The following GRM7 variants were observed in gnomAD, a reference collection of about 807,000 sequenced individuals.
The protein encoded by GRM7 is metabotropic glutamate receptor 7.
GRM7 carries 35 observed loss-of-function variants against 84.5 expected under a neutral mutation model. The ratio of observed to expected loss-of-function variants is 0.41; its 90% CI spans 0.32 to 0.55. The LOEUF (loss-of-function observed/expected upper bound fraction) is 0.55, where lower values mean the gene tolerates loss of function less well. Ranked by LOEUF, GRM7 falls within the 20% of genes least tolerant of loss-of-function variation. The pLI is 0.19. For missense variants in GRM7, 1,003 were observed against 1,194.6 expected (o/e 0.84, Z 2.36); for synonymous variants, 487 against 455.1 (o/e 1.07, Z -0.89).
chr3:7,677,292 A>AAAAAAAAC (rs1700173203), intron 8 of GRM7, among the ~76,000 whole-genome samples: 2 of 150,842 alleles, frequency 1.3e-5, no homozygotes, highest in African/African-American at 4.9e-5. Context: ...AAAAAAAAAA[A>AAAAAAAAC]AACTTACATA....
intron 9 of GRM7, among the ~76,000 whole-genome samples, chr3:7,684,721 AG>A: frequency 6.6e-6 from 1 of 152,344 alleles, no homozygotes; most frequent in South Asian, 2.1e-4. Context: ...ATAAACAAAA[AG>A]TAAATCTCAA....
intron 9 of GRM7, among the ~76,000 whole-genome samples, chr3:7,723,181 C>A (rs1262550921): frequency 6.6e-6 from 1 of 152,146 alleles, no homozygotes; most frequent in Non-Finnish European, 1.5e-5. Context: ...CAGCAATTCT[C>A]CAACATAATC....
chr3:7,389,082 A>G (rs207462983), intron 4 of GRM7, among the ~76,000 whole-genome samples: 15 of 151,908 alleles, frequency 9.9e-5, no homozygotes, highest in Admixed American at 2.0e-4. Flanking sequence ...TTGTGTTTCT[A>G]TTTTCATTTG....
intron 8 of GRM7, among the ~76,000 whole-genome samples, chr3:7,645,271 G>A (rs576055434): frequency 7.0e-4 from 107 of 152,172 alleles, no homozygotes; most frequent in Non-Finnish European, 9.7e-4. Context: ...TCAGTTGGCT[G>A]GGCACAGTGG....
At chr3:6,910,038 C>T (rs1181784610) in intron 1 of GRM7, among the ~76,000 whole-genome samples, 1 of 151,900 alleles carries the variant, frequency 6.6e-6, no homozygotes, top group African/African-American at 2.4e-5. Context: ...ATATAAGATA[C>T]ATGATGTCAG....
chr3:7,177,278 G>A (rs1216120111), intron 2 of GRM7, among the ~76,000 whole-genome samples: 6 of 152,042 alleles, frequency 3.9e-5, no homozygotes, highest in African/African-American at 1.2e-4. Context: ...TGCAATCAAG[G>A]CACATCTTCT....
intron 1 of GRM7, among the ~76,000 whole-genome samples, chr3:6,965,385 G>A (rs556901963): frequency 3.3e-5 from 5 of 151,904 alleles, no homozygotes; most frequent in Middle Eastern, 3.4e-3. Flanking sequence ...TGATGTGATC[G>A]TGGCTCACTG....
In GRM7 at chr3:7,186,518, C is replaced by T. The variant is rs184645476; in HGVS notation, c.736+39850C>T. Among the ~76,000 whole-genome samples, 362 of 152,240 alleles carry T rather than the reference C, an allele frequency of 2.4e-3. 1 individual carries two copies. Among genetic ancestry groups the T allele is most frequent in the East Asian group, 6.2e-3 (32 of 5,172 alleles). On this transcript the variant is annotated intron_variant, in intron 2 of 9. Coordinates refer to ENST00000357716, the MANE Select transcript of GRM7 (RefSeq NM_000844.4). Reference sequence around the variant, plus strand: ...CTTTAATCCTGATTGTTCATTAAAACGAATAAGGCCAGGGCATAATTATTT... The same window carrying T: ...CTTTAATCCTGATTGTTCATTAAAATGAATAAGGCCAGGGCATAATTATTT...
chr3:7,667,957 A>C (rs1408873870), intron 8 of GRM7, among the ~76,000 whole-genome samples: 1 of 152,164 alleles, frequency 6.6e-6, no homozygotes, highest in African/African-American at 2.4e-5. Context: ...TTAGGTGCTA[A>C]CCTGGGTGTT....
chr3:7,402,527 C>A (rs1695494684), intron 4 of GRM7, among the ~76,000 whole-genome samples: 1 of 152,120 alleles, frequency 6.6e-6, no homozygotes, highest in Non-Finnish European at 1.5e-5. Flanking sequence ...TTTTACACTT[C>A]TGCACATATG....
rs1694835963 is a variant in GRM7, at chr3:6,863,508, A to G, written c.519+1601A>G. On this transcript the variant is annotated intron_variant, in intron 1 of 9. Transcript: ENST00000357716. The surrounding 1 kb of genome is among the most constrained non-coding windows in gnomAD (Gnocchi z 4.8). ...GCATGGCCCCTCTGATCCTCTGAGC[A>G]TCTCTGACACTTCCTGAGTGCCATC... Among the ~76,000 whole-genome samples, 1 of 152,146 alleles carries G rather than the reference A, an allele frequency of 6.6e-6. No individual in the cohort carries two copies. Among genetic ancestry groups the G allele is most frequent in the African/African-American group, 2.4e-5 (1 of 41,434 alleles).
chr3:6,949,152 G>A (rs1006426295), intron 1 of GRM7, among the ~76,000 whole-genome samples: 11 of 152,216 alleles, frequency 7.2e-5, no homozygotes, highest in Non-Finnish European at 1.5e-4. Flanking sequence ...TCCTAGCCTC[G>A]ATGGTCTTTA....
chr3:7,400,962 AT>A (rs761583663), intron 4 of GRM7, among the ~76,000 whole-genome samples: 19 of 150,128 alleles, frequency 1.3e-4, no homozygotes, highest in South Asian at 6.3e-4. Context: ...AATCATTTAA[AT>A]TTTTTTTTTA....
At chr3:6,880,705 C>G (rs1695476690) in intron 1 of GRM7, among the ~76,000 whole-genome samples, 1 of 152,118 alleles carries the variant, frequency 6.6e-6, no homozygotes, top group African/African-American at 2.4e-5. Flanking sequence ...AGCATTCCAT[C>G]TCTCACTCGT....
chr3:7,454,094 T>TCTCTCTCTCC (rs1575360005), intron 6 of GRM7, among the ~76,000 whole-genome samples: 1 of 140,312 alleles, frequency 7.1e-6, no homozygotes. Flanking sequence ...ACACACACTC[T>TCTCTCTCTCC]CTCTCTCTCT....
intron 7 of GRM7, among the ~76,000 whole-genome samples, chr3:7,575,734 T>C (rs1355392084): frequency 6.6e-6 from 1 of 152,234 alleles, no homozygotes; most frequent in Non-Finnish European, 1.5e-5. Flanking sequence ...GGAATCTTTG[T>C]TGGTTTAACA....
intron 1 of GRM7, among the ~76,000 whole-genome samples, chr3:6,924,700 A>C (rs1697240320): frequency 6.6e-6 from 1 of 152,220 alleles, no homozygotes; most frequent in Non-Finnish European, 1.5e-5. Flanking sequence ...CCAGTTTTAT[A>C]GATATATATA....
chr3:6,902,602 C>A (rs1696427471), intron 1 of GRM7, among the ~76,000 whole-genome samples: 1 of 152,026 alleles, frequency 6.6e-6, no homozygotes, highest in Non-Finnish European at 1.5e-5. Flanking sequence ...CTATTAATTA[C>A]AAATGCTTCT....
intron 2 of GRM7, among the ~76,000 whole-genome samples, chr3:7,179,741 C>T (rs1322819798): frequency 6.6e-6 from 1 of 152,112 alleles, no homozygotes; most frequent in Non-Finnish European, 1.5e-5. Flanking sequence ...AAGTGCAATG[C>T]TTGTCTTAAA....
Sources: allele counts gnomAD v4.1 joint callset (sites outside exome capture counted in the v4.1 genomes callset), GRCh38; gene constraint gnomAD v4.1.1; non-coding constraint Gnocchi (gnomAD v3.1); transcripts MANE v1.5; gene names NCBI Gene and HGNC (gene_info 2026-07-23, HGNC 2026-07-21).